The following MICAL3 variants were observed in gnomAD, a reference collection of about 807,000 sequenced individuals.
MICAL3 encodes [F-actin]-monooxygenase MICAL3.
Under a neutral mutation model 207.4 loss-of-function variants are expected in MICAL3, and 62 were observed. That is an observed-to-expected ratio of 0.30 (90% CI 0.24 to 0.37). MICAL3 has a LOEUF of 0.37. Ranked by LOEUF, MICAL3 falls within the 10% of genes least tolerant of loss-of-function variation. The pLI is 1.00. For missense variants in MICAL3, 2,368 were observed against 2,635.6 expected (o/e 0.90, Z 2.22); for synonymous variants, 1,077 against 1,069.3 (o/e 1.01, Z -0.14).
chr22:17,835,807 T>G (rs1047220666), intron 20 of MICAL3, among the ~76,000 whole-genome samples: 1 of 152,222 alleles, frequency 6.6e-6, no homozygotes, highest in Non-Finnish European at 1.5e-5. Flanking sequence ...GATTGGGGTC[T>G]GCCTCCCCCA....
In MICAL3 at chr22:17,824,403, G is replaced by A. The variant is rs186446679; in HGVS notation, c.3194-1343C>T. On this transcript the variant is annotated intron_variant, in intron 22 of 31. Coordinates refer to ENST00000441493, the MANE Select transcript of MICAL3 (RefSeq NM_015241.3). Reference sequence around the variant, plus strand: ...AAAAGCCATGTGGAAATGGGAGGGCGCAGCCTCGGAAGTAGCATCTTCTCT... The same window carrying A: ...AAAAGCCATGTGGAAATGGGAGGGCACAGCCTCGGAAGTAGCATCTTCTCT... 5.3e-5 allele frequency among the ~76,000 whole-genome samples: 8 copies of A among 152,360 alleles called. No individual in the cohort carries two copies. In the East Asian group the frequency reaches 1.3e-3, roughly 26 times the overall value.
intron 9 of MICAL3, among the ~76,000 whole-genome samples, chr22:17,895,632 C>T (rs1235467964): frequency 6.6e-6 from 1 of 151,968 alleles, no homozygotes; most frequent in African/African-American, 2.4e-5. Flanking sequence ...AGAGAGCAGG[C>T]ACAAAACCGT....
chr22:17,939,188 TC>T (rs1426551697), intron 1 of MICAL3, among the ~76,000 whole-genome samples: 1 of 152,002 alleles, frequency 6.6e-6, no homozygotes, highest in African/African-American at 2.4e-5. Flanking sequence ...GCCTGCAGAG[TC>T]CCCACCAGCA....
intron 1 of MICAL3, among the ~76,000 whole-genome samples, chr22:17,993,298 C>T (rs1392366243): frequency 2.0e-5 from 3 of 151,636 alleles, no homozygotes; most frequent in African/African-American, 4.8e-5. Flanking sequence ...ATGTGCAGAA[C>T]GTGCAGGTTT....
chr22:17,896,723 C>T lies in MICAL3; in HGVS notation c.1206+1G>A. ...AGAGTGCTGCCATGCTTAGCACTCA[C>T]CTCTAGGAGGCTGTCCCCGACCAGA... On this transcript the variant is annotated splice_donor_variant, in intron 8 of 31. Coordinates refer to ENST00000441493, the MANE Select transcript of MICAL3 (RefSeq NM_015241.3). LOFTEE classifies it high-confidence loss of function. 6.2e-7 allele frequency: 1 copy of T among 1,613,306 alleles called. No homozygotes were observed. The highest frequency in any genetic ancestry group is 8.5e-7 in the Non-Finnish European group (1 of 1,179,612).
intron 16 of MICAL3, chr22:17,884,393 G>C: frequency 1.3e-6 from 2 of 1,484,112 alleles, no homozygotes; most frequent in Non-Finnish European, 1.8e-6. Context: ...GTGGGGACAG[G>C]ACATGGAGAC....
intron 1 of MICAL3, among the ~76,000 whole-genome samples, chr22:17,935,134 A>C (rs1438993046): frequency 6.6e-6 from 1 of 151,828 alleles, no homozygotes; most frequent in Non-Finnish European, 1.5e-5. Flanking sequence ...AATCCTAAGC[A>C]AAAAAAACAA....
chr22:17,864,627 G>C (rs755633692), intron 19 of MICAL3: 8 of 1,565,530 alleles, frequency 5.1e-6, no homozygotes, highest in African/African-American at 2.7e-5. Flanking sequence ...AGCACTTCAC[G>C]GCTCTGCCGC....
chr22:17,981,160 C>T (rs1388642549), intron 1 of MICAL3, among the ~76,000 whole-genome samples: 1 of 152,064 alleles, frequency 6.6e-6, no homozygotes, highest in African/African-American at 2.4e-5. Context: ...ATATACAATA[C>T]AGTAATAAAT....
chr22:17,806,907 A>C (rs1455335812), intron 29 of MICAL3, among the ~76,000 whole-genome samples: 1 of 152,242 alleles, frequency 6.6e-6, no homozygotes, highest in Non-Finnish European at 1.5e-5. Context: ...CTTTGGCAGA[A>C]GCTTGAATAA....
intron 7 of MICAL3, among the ~76,000 whole-genome samples, chr22:17,897,606 T>C (rs1930964746): frequency 6.6e-6 from 1 of 152,100 alleles, no homozygotes; most frequent in African/African-American, 2.4e-5. Flanking sequence ...CAGTACTTTG[T>C]GAACTGAAAG....
rs1232332265 is a variant in MICAL3 at position 17,981,078 on chromosome 22, A to G, written c.-75+43203T>C. Reference sequence around the variant, plus strand: ...CAGACTGGTCTCCAAAAACATGTGCATGTATTTATATGGACACATTTATTT... The same window carrying G: ...CAGACTGGTCTCCAAAAACATGTGCGTGTATTTATATGGACACATTTATTT... On this transcript the variant is annotated intron_variant, in intron 1 of 31. Transcript: ENST00000441493. 7 of 314,290 alleles carry G rather than the reference A, an allele frequency of 2.2e-5. No homozygotes were observed. In the East Asian group the frequency reaches 5.4e-4, roughly 24 times the overall value. 19.5% of individuals were successfully genotyped at this position (314,290 alleles called of 1,614,324 possible). A position where few individuals can be genotyped will look rare whatever the true frequency, so the allele number is the denominator to read the frequency against.
chr22:17,821,896 G>A, intron 24 of MICAL3, 134 bp downstream of exon 24: 2 of 1,155,538 alleles, frequency 1.7e-6, no homozygotes, highest in Non-Finnish European at 2.5e-6. Flanking sequence ...AAAAGGCAAG[G>A]AGCTGCCCAC....
chr22:17,877,500 G>C (rs1009469595), intron 16 of MICAL3, among the ~76,000 whole-genome samples: 14 of 127,194 alleles, frequency 1.1e-4, no homozygotes, highest in East Asian at 4.5e-4. Flanking sequence ...GGTTAGGGAG[G>C]TTATGGAGGT....
chr22:17,797,868 TCCTCCAGGC>T (rs2061893563), intron 29 of MICAL3, among the ~76,000 whole-genome samples: 2 of 152,332 alleles, frequency 1.3e-5, no homozygotes, highest in East Asian at 3.9e-4. Flanking sequence ...CGGCGGGCCG[TCCTCCAGGC>T]CTGCTGGACA....
At chr22:17,806,234 C>A (rs1005294117) in intron 29 of MICAL3, among the ~76,000 whole-genome samples, 1 of 152,206 alleles carries the variant, frequency 6.6e-6, no homozygotes, top group Admixed American at 6.5e-5. Context: ...CAGCATAGTG[C>A]TCACCTGCCA....
chr22:17,833,065 G>A (rs1156271584), intron 20 of MICAL3, among the ~76,000 whole-genome samples: 1 of 152,172 alleles, frequency 6.6e-6, no homozygotes. Context: ...CCGCACACCT[G>A]TAAGAATGCA....
chr22:17,931,588 G>A (rs1281157662), intron 1 of MICAL3, among the ~76,000 whole-genome samples: 4 of 152,202 alleles, frequency 2.6e-5, no homozygotes, highest in Admixed American at 2.0e-4. Context: ...GGTCCAGAGT[G>A]ACTTGTCCCT....
At chr22:17,971,983 A>C (rs538415595) in intron 1 of MICAL3, among the ~76,000 whole-genome samples, 5 of 152,288 alleles carry the variant, frequency 3.3e-5, no homozygotes, top group Non-Finnish European at 7.4e-5. Context: ...CAGGCAGGCC[A>C]CTCCACACAA....
Sources: allele counts gnomAD v4.1 joint callset (sites outside exome capture counted in the v4.1 genomes callset), GRCh38; gene constraint gnomAD v4.1.1; transcripts MANE v1.5; gene names NCBI Gene and HGNC (gene_info 2026-07-23, HGNC 2026-07-21).